SEC63: variants seen among roughly 807,000 people sequenced by gnomAD.
SEC63 encodes the protein SEC63 protein translocation regulator.
Under a neutral mutation model 116.2 loss-of-function variants are expected in SEC63, and 56 were observed. The observed-to-expected ratio is 0.48, with a 90% confidence interval of 0.39 to 0.60. SEC63 has a LOEUF of 0.60. Among genes scored for constraint, SEC63 ranks in the 20% least tolerant of loss-of-function variants. The probability of loss-of-function intolerance (pLI) is 0.00; values close to 1 mark genes in which losing one functional copy is unlikely to be tolerated. For synonymous variants in SEC63, 273 were observed against 294.6 expected (o/e 0.93, Z 0.75); for missense variants, 668 against 900.0 (o/e 0.74, Z 3.30).
chr6:107,880,663 A>C (rs546067739), intron 18 of SEC63, among the ~76,000 whole-genome samples: 1 of 152,314 alleles, frequency 6.6e-6, no homozygotes, highest in African/African-American at 2.4e-5. Context: ...ATGGGCTCAC[A>C]CATTTCCATG....
intron 16 of SEC63, among the ~76,000 whole-genome samples, chr6:107,887,225 T>A (rs1786551299): frequency 6.7e-6 from 1 of 150,356 alleles, no homozygotes; most frequent in East Asian, 1.9e-4. Flanking sequence ...AAATACCATT[T>A]GACCCAGCCA....
chr6:107,947,574 A>G (rs1326489797), intron 1 of SEC63, among the ~76,000 whole-genome samples: 2 of 152,024 alleles, frequency 1.3e-5, no homozygotes, highest in African/African-American at 2.4e-5. Context: ...TCCAGTCTCA[A>G]AAAAAAATTC....
chr6:107,914,118 T>C (rs1297291192), intron 4 of SEC63, among the ~76,000 whole-genome samples: 1 of 152,190 alleles, frequency 6.6e-6, no homozygotes, highest in Non-Finnish European at 1.5e-5. Context: ...ACTTTGACAA[T>C]GGCTCAAGGT....
chr6:107,904,598 T>C, intron 11 of SEC63, 31 bp downstream of exon 11: 1 of 1,522,698 alleles, frequency 6.6e-7, no homozygotes, highest in South Asian at 1.1e-5. Flanking sequence ...CAAGAAAAAG[T>C]ATAACATAAT....
At chr6:107,883,393 A>G (rs1307592197) in intron 16 of SEC63, 1 of 459,138 alleles carries the variant, frequency 2.2e-6, no homozygotes, top group Admixed American at 3.8e-5. Flanking sequence ...AATTTGTCAA[A>G]TAAAAGTATT....
chr6:107,920,887 C>T (rs1337104795), intron 4 of SEC63, among the ~76,000 whole-genome samples: 1 of 152,146 alleles, frequency 6.6e-6, no homozygotes, highest in South Asian at 2.1e-4. Context: ...GCATATAACG[C>T]ATATGTGAAT....
intron 8 of SEC63, 138 bp from the exon 9 acceptor site, chr6:107,906,915 C>A: frequency 1.4e-6 from 1 of 694,484 alleles, no homozygotes; most frequent in South Asian, 1.6e-5. Context: ...ACTCCACTGA[C>A]AAGTATTTAT....
intron 4 of SEC63, among the ~76,000 whole-genome samples, chr6:107,914,811 G>C (rs1472489091): frequency 6.6e-6 from 1 of 152,048 alleles, no homozygotes; most frequent in Non-Finnish European, 1.5e-5. Context: ...GTCCCCTTCT[G>C]CCTTTGTGAT....
intron 8 of SEC63, among the ~76,000 whole-genome samples, chr6:107,908,607 G>C (rs750695706): frequency 3.3e-5 from 5 of 152,094 alleles, no homozygotes; most frequent in Admixed American, 6.6e-5. Flanking sequence ...AAAATTAAAT[G>C]AGTCAAGACA....
At chr6:107,885,897 T>A (rs1310855623) in intron 16 of SEC63, among the ~76,000 whole-genome samples, 1 of 152,134 alleles carries the variant, frequency 6.6e-6, no homozygotes, top group Non-Finnish European at 1.5e-5. Context: ...CTGGGGTACA[T>A]GTGCAGAACA....
intron 16 of SEC63, among the ~76,000 whole-genome samples, chr6:107,891,527 G>C (rs1260072482): frequency 6.6e-6 from 1 of 152,010 alleles, no homozygotes; most frequent in African/African-American, 2.4e-5. Flanking sequence ...GCTTGGAGGA[G>C]TTTGTTATTA....
At chr6:107,882,885 A>G (rs1786443439) in intron 17 of SEC63, 103 bp downstream of exon 17, 8 of 748,520 alleles carry the variant, frequency 1.1e-5, no homozygotes, top group Non-Finnish European at 1.8e-5. Flanking sequence ...ATTTAAAGAA[A>G]GCAAGCGAGC....
chr6:107,879,144 C>G (rs1786347518), intron 18 of SEC63, among the ~76,000 whole-genome samples: 1 of 152,098 alleles, frequency 6.6e-6, no homozygotes, highest in Non-Finnish European at 1.5e-5. Flanking sequence ...TTAGAAAGAT[C>G]CTAAATAAAT....
At chr6:107,906,863 G>GAATT in intron 8 of SEC63, 86 bp from the exon 9 acceptor site, 3 of 1,017,998 alleles carry the variant, frequency 2.9e-6, no homozygotes, top group Non-Finnish European at 4.7e-6. Flanking sequence ...ACTTGAAAGT[G>GAATT]AAGCACTTTT....
intron 16 of SEC63, among the ~76,000 whole-genome samples, chr6:107,888,628 T>C (rs1212885254): frequency 6.6e-6 from 1 of 152,198 alleles, no homozygotes. Flanking sequence ...TCCAATACTA[T>C]GTTGAATAGG....
chr6:107,906,946 C>T (rs1787161611), intron 8 of SEC63, among the ~76,000 whole-genome samples, 169 bp from the exon 9 acceptor site: 2 of 152,092 alleles, frequency 1.3e-5, no homozygotes, highest in African/African-American at 2.4e-5. Flanking sequence ...AAAAAAGTAA[C>T]ATCTCGCTTT....
At position 107,904,681 on chromosome 6, in the gene SEC63, T is replaced by C; in HGVS notation, c.1002A>G (p.Gln334=). ...GTTGGCAGATTACATTAACCATTTC[T>C]TGAAGTAGGGCAGGACACTTTTTTA... ...FMLKKCPALL[Q]EMVNVICQLI... The change falls in exon 11 of 21, where the codon CAA becomes CAG. Residue 334 remains glutamine (Q), a synonymous_variant. Coordinates refer to ENST00000369002, the MANE Select transcript of SEC63 (RefSeq NM_007214.5). The C allele has an allele frequency of 6.2e-7, 1 of 1,614,008 alleles. No individual in the cohort carries two copies. Among genetic ancestry groups the C allele is most frequent in the Non-Finnish European group, 8.5e-7 (1 of 1,179,878 alleles).
intron 18 of SEC63, among the ~76,000 whole-genome samples, chr6:107,878,046 A>G (rs1786321387): frequency 6.6e-6 from 1 of 152,188 alleles, no homozygotes; most frequent in African/African-American, 2.4e-5. Flanking sequence ...GTGGAATAAC[A>G]CCTCTGTTGC....
chr6:107,912,689 T>A, intron 6 of SEC63, 27 bp downstream of exon 6: 1 of 1,472,076 alleles, frequency 6.8e-7, no homozygotes, highest in Non-Finnish European at 9.5e-7. Context: ...TAATACATCA[T>A]AATGTATCTT....
Sources: allele counts gnomAD v4.1 joint callset (sites outside exome capture counted in the v4.1 genomes callset), GRCh38; gene constraint gnomAD v4.1.1; transcripts MANE v1.5; gene names NCBI Gene and HGNC (gene_info 2026-07-23, HGNC 2026-07-21).